Variants in CACNA1E observed in about 807,000 individuals in gnomAD.
CACNA1E encodes calcium voltage-gated channel subunit alpha1 E, also known as voltage-dependent R-type calcium channel subunit alpha-1E.
Under a neutral mutation model 259.2 loss-of-function variants are expected in CACNA1E, and 40 were observed. That is an observed-to-expected ratio of 0.15 (90% CI 0.12 to 0.20). The LOEUF is 0.20. CACNA1E is among the 10% of genes least tolerant of loss of function. The pLI, the probability that CACNA1E is intolerant of heterozygous loss-of-function variation, is 1.00. For synonymous variants in CACNA1E, 1,104 were observed against 1,138.5 expected, an observed-to-expected ratio of 0.97 and a Z score of 0.61; for missense variants, 1,874 against 3,040.1, an observed-to-expected ratio of 0.62 and a Z score of 9.02.
chr1:181,720,635 G>C (rs1654333501), intron 14 of CACNA1E, 148 bp from the exon 15 acceptor site: 1 of 666,522 alleles, frequency 1.5e-6, no homozygotes, highest in Non-Finnish European at 2.7e-6. Flanking sequence ...TACAGTCTTT[G>C]TAAGTTATGT....
chr1:181,321,709 C>T (rs1018055686), intron 1 of CACNA1E, among the ~76,000 whole-genome samples: 4 of 152,238 alleles, frequency 2.6e-5, no homozygotes, highest in Admixed American at 2.6e-4. Context: ...AATAATTTAC[C>T]AGACCAAGAA....
At chr1:181,713,708 C>T (rs933640324) in intron 8 of CACNA1E, among the ~76,000 whole-genome samples, 1 of 152,146 alleles carries the variant, frequency 6.6e-6, no homozygotes, top group South Asian at 2.1e-4. Flanking sequence ...GAATGTTTAA[C>T]GAGGCCTCTG....
At position 181,577,774 on chromosome 1, in the gene CACNA1E, C is replaced by T. The variant is rs1295181664; in HGVS notation, c.521C>T (p.Ala174Val). 6.2e-7 allele frequency: 1 copy of T among 1,603,554 alleles called. No homozygotes were observed. Among genetic ancestry groups the T allele is most frequent in the Non-Finnish European group, 8.5e-7 (1 of 1,173,642 alleles). The change falls in exon 4 of 48, where the codon GCC becomes GTC. Residue 174 changes from alanine to valine, a missense_variant. Transcript: ENST00000367573. ...TGTGTCTCTGTCTGCAGCATCCTGG[C>T]CACTGCAGGAACCCACTTCAATACT... Reference protein sequence around the residue: ...DFIVVLSGILATAGTHFNTHV... With the variant: ...DFIVVLSGILVTAGTHFNTHV...
At chr1:181,324,557 G>A (rs775861705) in intron 1 of CACNA1E, among the ~76,000 whole-genome samples, 5 of 152,202 alleles carry the variant, frequency 3.3e-5, no homozygotes, top group African/African-American at 4.8e-5. Flanking sequence ...AATATTTGCA[G>A]TTTCAGTACC....
chr1:181,391,945 C>G (rs643650), intron 1 of CACNA1E, among the ~76,000 whole-genome samples: 13,957 of 117,884 alleles, frequency 0.12, 738 homozygotes, highest in African/African-American at 0.19. Flanking sequence ...CTCTCTCTCT[C>G]TGTGTGTGTG....
chr1:181,597,208 G>A (rs1231036613), intron 6 of CACNA1E, among the ~76,000 whole-genome samples: 1 of 152,172 alleles, frequency 6.6e-6, no homozygotes, highest in Non-Finnish European at 1.5e-5. Flanking sequence ...ACTCAGAGGA[G>A]TTTATCACCT....
intron 3 of CACNA1E, among the ~76,000 whole-genome samples, chr1:181,573,098 A>G (rs1409570437): frequency 1.3e-5 from 2 of 152,152 alleles, no homozygotes; most frequent in African/African-American, 4.8e-5. Context: ...CTTACCATTT[A>G]TTAGCAATTT....
In CACNA1E at chr1:181,783,741, T is replaced by A. The variant is rs749384319; in HGVS notation, c.5427T>A (p.Leu1809=). The A allele has an allele frequency of 5.6e-6, 9 of 1,612,844 alleles. No individual in the cohort carries two copies. In the African/African-American group the frequency reaches 1.1e-4, roughly 19 times the overall value. The change falls in exon 40 of 48, where the codon CTT becomes CTA. Residue 1809 remains leucine, a synonymous_variant. Transcript: ENST00000367573. ...EDMTVHFTST[L]MALIRTALDI... Reference sequence around the variant, plus strand: ...TGACGGTCCACTTCACCTCCACACTTATGGCTCTGATCCGGACAGCTCTGG... The same window carrying A: ...TGACGGTCCACTTCACCTCCACACTAATGGCTCTGATCCGGACAGCTCTGG...
chr1:181,779,540 G>A, intron 38 of CACNA1E: 1 of 449,956 alleles, frequency 2.2e-6, no homozygotes, highest in Non-Finnish European at 4.5e-6. Flanking sequence ...GGCTTGCAAG[G>A]TTTGCCTCCC....
At chr1:181,580,804 G>A in intron 6 of CACNA1E, 28 bp downstream of exon 6, 1 of 1,609,382 alleles carries the variant, frequency 6.2e-7, no homozygotes, top group Non-Finnish European at 8.5e-7. Context: ...GGACCTGGAA[G>A]GAGGAGGGAA....
At chr1:181,778,272 A>G (rs992099181) in intron 38 of CACNA1E, among the ~76,000 whole-genome samples, 10 of 152,222 alleles carry the variant, frequency 6.6e-5, no homozygotes, top group African/African-American at 2.2e-4. Flanking sequence ...AGCCACTCCC[A>G]ACCCACCTAC....
chr1:181,432,469 A>C (rs560645242), intron 2 of CACNA1E, among the ~76,000 whole-genome samples: 2 of 152,280 alleles, frequency 1.3e-5, no homozygotes, highest in East Asian at 3.8e-4. Context: ...ATAAAATAAC[A>C]AAAAAATGTT....
At chr1:181,450,159 A>G (rs762486813) in intron 2 of CACNA1E, among the ~76,000 whole-genome samples, 3 of 152,168 alleles carry the variant, frequency 2.0e-5, no homozygotes, top group Admixed American at 6.5e-5. Context: ...ACTTTCAAAC[A>G]ACCAGATTTC....
At chr1:181,559,377 A>G (rs142964305) in intron 3 of CACNA1E, among the ~76,000 whole-genome samples, 3 of 152,310 alleles carry the variant, frequency 2.0e-5, no homozygotes, top group Non-Finnish European at 4.4e-5. Context: ...CTGGAGATAA[A>G]GACTGGGAGT....
intron 1 of CACNA1E, among the ~76,000 whole-genome samples, chr1:181,493,384 G>C (rs1664480570): frequency 6.6e-6 from 1 of 152,170 alleles, no homozygotes; most frequent in Non-Finnish European, 1.5e-5. Flanking sequence ...TCTAACCAAA[G>C]GGCATGAATT....
intron 2 of CACNA1E, among the ~76,000 whole-genome samples, chr1:181,435,916 T>A (rs1247141588): frequency 7.0e-6 from 1 of 143,322 alleles, no homozygotes; most frequent in Non-Finnish European, 1.5e-5. Flanking sequence ...TTAAAACATC[T>A]GTTATCCAAG....
intron 7 of CACNA1E, among the ~76,000 whole-genome samples, chr1:181,695,529 A>G (rs988379686): frequency 6.6e-6 from 1 of 152,234 alleles, no homozygotes. Flanking sequence ...TCAACAGACA[A>G]ATAGACCACT....
At chr1:181,635,123 G>C (rs936125720) in intron 6 of CACNA1E, among the ~76,000 whole-genome samples, 2 of 152,214 alleles carry the variant, frequency 1.3e-5, no homozygotes, top group African/African-American at 4.8e-5. Flanking sequence ...CTATGAAGCA[G>C]CCTTTCCAGG....
Position 181,808,064 on chromosome 1 carries a change from T to C in CACNA1E, c.*9230T>C, listed in dbSNP as rs959007254. 1.3e-5 allele frequency: 2 copies of C among 152,184 alleles called. No individual in the cohort carries two copies. Among genetic ancestry groups the C allele is most frequent in the Non-Finnish European group, 2.9e-5 (2 of 68,038 alleles). The allele number at this position is 152,184 out of a possible 1,614,324, so 9.4% of individuals were successfully genotyped here. On this transcript the variant is annotated 3_prime_UTR_variant, in exon 48 of 48. Transcript: ENST00000367573. The stretch of plus-strand genomic sequence containing the variant: ...CAGGCTAATGGCACTATGAAACAGA[T>C]ATAAAGAAAAATAGACACTGTTCTG...
Sources: allele counts gnomAD v4.1 joint callset (sites outside exome capture counted in the v4.1 genomes callset), GRCh38; gene constraint gnomAD v4.1.1; transcripts MANE v1.5; gene names NCBI Gene and HGNC (gene_info 2026-07-23, HGNC 2026-07-21).